CFAP61: variants seen among roughly 807,000 people sequenced by gnomAD.
The protein encoded by CFAP61 is cilia and flagella associated protein 61.
A neutral mutation model predicts 135.6 loss-of-function variants in CFAP61; 107 were observed. The observed-to-expected ratio is 0.79, with a 90% CI of 0.67 to 0.93. The LOEUF (loss-of-function observed/expected upper bound fraction) is 0.93, where lower values mean the gene tolerates loss of function less well. CFAP61 is among the 40% of genes least tolerant of loss of function. CFAP61 has a pLI of 0.00. For missense variants in CFAP61, 1,507 were observed against 1,556.2 expected (o/e 0.97, Z 0.53); for synonymous variants, 575 against 578.5 (o/e 0.99, Z 0.09).
chr20:20,243,688 C>T lies in CFAP61; in HGVS notation c.2061-2429C>T, dbSNP rs866205860. Among the ~76,000 whole-genome samples, 10 of 152,094 alleles carry T rather than the reference C, an allele frequency of 6.6e-5. No individual in the cohort carries two copies. The South Asian group carries it at 8.3e-4, about 13-fold the overall frequency. On this transcript the variant is annotated intron_variant, in intron 18 of 26. Coordinates refer to ENST00000245957, the MANE Select transcript of CFAP61 (RefSeq NM_015585.4). Reference sequence around the variant, plus strand: ...CTGACCTCACGTGATCCACCTGCCTCGGCCTCCCAAAGTGCTGGGATTACA... The same window carrying T: ...CTGACCTCACGTGATCCACCTGCCTTGGCCTCCCAAAGTGCTGGGATTACA...
In CFAP61 at chr20:20,354,544, G is replaced by A. The variant is rs115087858; in HGVS notation, c.3514-5666G>A. Among the ~76,000 whole-genome samples, 1,167 of 151,410 alleles carry A rather than the reference G, an allele frequency of 7.7e-3. 17 individuals carry two copies. Among genetic ancestry groups the A allele is most frequent in the African/African-American group, 0.027 (1,116 of 41,250 alleles). On this transcript the variant is annotated intron_variant, in intron 26 of 26. Transcript: ENST00000245957. ...AATCAGGTACAGAAAGGTAAATACT[G>A]CACGATCTCACTTACATGTGGAATC...
At chr20:20,272,562 C>T (rs2053445934) in intron 21 of CFAP61, among the ~76,000 whole-genome samples, 2 of 152,158 alleles carry the variant, frequency 1.3e-5, no homozygotes, top group Non-Finnish European at 1.5e-5. Flanking sequence ...GCCCAGACAC[C>T]CCCTGCACAT....
intron 26 of CFAP61, among the ~76,000 whole-genome samples, chr20:20,342,607 C>A (rs960560682): frequency 3.9e-5 from 6 of 152,222 alleles, no homozygotes; most frequent in African/African-American, 1.4e-4. Context: ...AGTGCCGGGG[C>A]CTGGGTTAGC....
At chr20:20,190,841 AG>A (rs1555902508) in intron 14 of CFAP61, among the ~76,000 whole-genome samples, 3 of 152,130 alleles carry the variant, frequency 2.0e-5, no homozygotes, top group Non-Finnish European at 4.4e-5. Flanking sequence ...CCCTGAGGCC[AG>A]GTATGGTGGC....
At chr20:20,141,852 C>T (rs1240641565) in intron 8 of CFAP61, among the ~76,000 whole-genome samples, 1 of 152,110 alleles carries the variant, frequency 6.6e-6, no homozygotes, top group South Asian at 2.1e-4. Flanking sequence ...AGCAGCATGC[C>T]CACACTCACG....
chr20:20,342,556 G>A (rs956330862), intron 26 of CFAP61, among the ~76,000 whole-genome samples: 2 of 152,188 alleles, frequency 1.3e-5, no homozygotes, highest in African/African-American at 4.8e-5. Flanking sequence ...TCAGTGAGTG[G>A]TTGAATCTCC....
chr20:20,299,511 C>A (rs934152681), intron 25 of CFAP61, among the ~76,000 whole-genome samples: 1 of 152,230 alleles, frequency 6.6e-6, no homozygotes, highest in Admixed American at 6.5e-5. Context: ...AAGCCTCATT[C>A]ACCAAAATGG....
intron 20 of CFAP61, among the ~76,000 whole-genome samples, chr20:20,260,826 A>G (rs565905997): frequency 6.6e-6 from 1 of 152,278 alleles, no homozygotes; most frequent in Admixed American, 6.5e-5. Flanking sequence ...TATTAAACTG[A>G]TGTAATGTTA....
At chr20:20,112,141 C>CT (rs2048843274) in intron 8 of CFAP61, among the ~76,000 whole-genome samples, 1 of 152,048 alleles carries the variant, frequency 6.6e-6, no homozygotes, top group Non-Finnish European at 1.5e-5. Context: ...GATGAGAGTT[C>CT]ACTATAAAAA....
intron 2 of CFAP61, among the ~76,000 whole-genome samples, chr20:20,063,628 A>T (rs909260667): frequency 6.6e-6 from 1 of 152,204 alleles, no homozygotes; most frequent in Non-Finnish European, 1.5e-5. Flanking sequence ...CACCATATGT[A>T]ATGATAAAAT....
At chr20:20,298,728 G>C (rs2055833293) in intron 25 of CFAP61, among the ~76,000 whole-genome samples, 1 of 152,124 alleles carries the variant, frequency 6.6e-6, no homozygotes, top group South Asian at 2.1e-4. Flanking sequence ...GGTCAATTTG[G>C]GAACAGCATG....
chr20:20,353,180 G>T (rs1021076939), intron 26 of CFAP61, among the ~76,000 whole-genome samples: 13 of 152,214 alleles, frequency 8.5e-5, no homozygotes, highest in African/African-American at 2.9e-4. Context: ...GCCACTGTCT[G>T]TGGAGTTTGC....
intron 8 of CFAP61, among the ~76,000 whole-genome samples, chr20:20,135,692 A>G (rs367941091): frequency 3.3e-5 from 5 of 152,314 alleles, no homozygotes; most frequent in African/African-American, 1.2e-4. Context: ...GTTTCTATTT[A>G]TATCTTACTG....
At chr20:20,124,525 A>G (rs536110878) in intron 8 of CFAP61, among the ~76,000 whole-genome samples, 15 of 151,944 alleles carry the variant, frequency 9.9e-5, no homozygotes, top group African/African-American at 3.4e-4. Flanking sequence ...AATTCTGTTT[A>G]TGTGGTGTAT....
rs542501832 is a variant in CFAP61 at position 20,342,041 on chromosome 20, G to A, written c.3513+120G>A. 6.4e-5 allele frequency: 41 copies of A among 644,996 alleles called. 1 individual carries two copies. The African/African-American group carries it at 6.8e-4, about 11-fold the overall frequency. The allele number at this position is 644,996 out of a possible 1,614,324, so 40.0% of individuals were successfully genotyped here. On this transcript the variant is annotated intron_variant, in intron 26 of 26. Coordinates refer to ENST00000245957, the MANE Select transcript of CFAP61 (RefSeq NM_015585.4). The stretch of plus-strand genomic sequence containing the variant: ...TATGGTTTTACTTTTTAAAACAACA[G>A]TATCTCATATAAACAAACTGCGGAG...
chr20:20,072,047 A>G (rs1267123558), intron 3 of CFAP61, among the ~76,000 whole-genome samples: 1 of 108,934 alleles, frequency 9.2e-6, no homozygotes, highest in African/African-American at 3.3e-5. Context: ...GTTATGGTTT[A>G]TTGTCTTACA....
chr20:20,121,703 A>T (rs933027941), intron 8 of CFAP61, among the ~76,000 whole-genome samples: 1 of 152,086 alleles, frequency 6.6e-6, no homozygotes, highest in Non-Finnish European at 1.5e-5. Context: ...CATGTTGGCC[A>T]TGCTGGTCTT....
chr20:20,332,707 C>T (rs543457540), intron 25 of CFAP61, among the ~76,000 whole-genome samples: 20 of 152,264 alleles, frequency 1.3e-4, no homozygotes, highest in African/African-American at 3.9e-4. Context: ...GCCTCAAACT[C>T]GGGCTCAAGT....
chr20:20,330,892 A>C (rs1360290502), intron 25 of CFAP61, among the ~76,000 whole-genome samples: 1 of 152,220 alleles, frequency 6.6e-6, no homozygotes, highest in Admixed American at 6.5e-5. Context: ...GGATCCCAGC[A>C]GTTTTGTTAA....
Sources: gnomAD v4.1 joint callset for allele counts (sites outside exome capture counted in the v4.1 genomes callset) on GRCh38, gnomAD v4.1.1 for gene constraint, MANE v1.5 for transcripts, NCBI Gene and HGNC (gene_info 2026-07-23, HGNC 2026-07-21) for gene names.